ITGA9: variants seen among roughly 807,000 people sequenced by gnomAD.
The protein encoded by ITGA9 is integrin subunit alpha 9, also known as integrin alpha-9.
A neutral mutation model predicts 127.8 loss-of-function variants in ITGA9; 56 were observed. That is an observed-to-expected ratio of 0.44 (90% CI 0.35 to 0.55). The LOEUF (loss-of-function observed/expected upper bound fraction) is 0.55, where lower values mean the gene tolerates loss of function less well. Among genes scored for constraint, ITGA9 ranks in the 20% least tolerant of loss-of-function variants. The probability of loss-of-function intolerance (pLI) is 0.00; values close to 1 mark genes in which losing one functional copy is unlikely to be tolerated. For synonymous variants in ITGA9, 508 were observed against 514.5 expected (o/e 0.99, Z 0.17); for missense variants, 1,196 against 1,347.1 (o/e 0.89, Z 1.76).
At chr3:37,574,361 A>G (rs1261959780) in intron 15 of ITGA9, among the ~76,000 whole-genome samples, 1 of 152,218 alleles carries the variant, frequency 6.6e-6, no homozygotes, top group African/African-American at 2.4e-5. Context: ...TTAAGTAGAG[A>G]GTAAAATCCT....
At chr3:37,718,574 C>T (rs1392618490) in intron 18 of ITGA9, among the ~76,000 whole-genome samples, 1 of 152,214 alleles carries the variant, frequency 6.6e-6, no homozygotes, top group East Asian at 1.9e-4. Flanking sequence ...TAGTGTAGAA[C>T]ACTTGCCTCA....
At chr3:37,499,689 T>C (rs1275725495) in intron 5 of ITGA9, among the ~76,000 whole-genome samples, 1 of 152,138 alleles carries the variant, frequency 6.6e-6, no homozygotes, top group Non-Finnish European at 1.5e-5. Context: ...GCCTCAGCCC[T>C]GAGGGTCGCA....
chr3:37,780,235 A>G (rs951317821), intron 25 of ITGA9, among the ~76,000 whole-genome samples: 8 of 152,168 alleles, frequency 5.3e-5, no homozygotes, highest in African/African-American at 1.9e-4. Flanking sequence ...AATATATTGT[A>G]TCGTGATGAA....
chr3:37,816,181 C>T (rs556507484), intron 27 of ITGA9, among the ~76,000 whole-genome samples: 47 of 152,220 alleles, frequency 3.1e-4, no homozygotes, highest in African/African-American at 1.1e-3. Context: ...TGCAATTTAT[C>T]GCTGGTACCA....
At chr3:37,726,693 A>C (rs534743942) in intron 18 of ITGA9, among the ~76,000 whole-genome samples, 1 of 152,332 alleles carries the variant, frequency 6.6e-6, no homozygotes, top group African/African-American at 2.4e-5. Context: ...CCAGCAAATG[A>C]GCTGCTTCTT....
rs1482715135 is a variant in ITGA9 at position 37,673,116 on chromosome 3, A to G, written c.1917-10749A>G. On this transcript the variant is annotated intron_variant, in intron 17 of 27. Transcript: ENST00000264741. ...ATAGGCAGTCACTAACTAAAATGGG[A>G]CAGCAAGACAGAAACAGTTTCCTAT... Among the ~76,000 whole-genome samples the G allele has an allele frequency of 3.3e-5, 5 of 152,198 alleles. 1 individual carries two copies. The highest frequency in any genetic ancestry group is 1.3e-4 in the Admixed American group (2 of 15,286).
At chr3:37,604,302 A>G (rs1424203589) in intron 15 of ITGA9, among the ~76,000 whole-genome samples, 1 of 152,226 alleles carries the variant, frequency 6.6e-6, no homozygotes, top group Non-Finnish European at 1.5e-5. Context: ...CGAATCTCCC[A>G]TTTAGTCAGA....
intron 15 of ITGA9, among the ~76,000 whole-genome samples, chr3:37,559,631 C>T (rs1378422237): frequency 6.6e-6 from 1 of 152,190 alleles, no homozygotes; most frequent in African/African-American, 2.4e-5. Context: ...CACTCTGTTG[C>T]ACGTGCCTGT....
chr3:37,550,686 A>G (rs1371030053), intron 15 of ITGA9, among the ~76,000 whole-genome samples: 2 of 152,210 alleles, frequency 1.3e-5, no homozygotes, highest in Non-Finnish European at 2.9e-5. Context: ...ATGAGTGTTG[A>G]GTATTTATTA....
chr3:37,788,636 A>G (rs1474458841), intron 26 of ITGA9, among the ~76,000 whole-genome samples: 1 of 152,136 alleles, frequency 6.6e-6, no homozygotes, highest in Admixed American at 6.5e-5. Context: ...ATTTCCTAAT[A>G]TTGGTACATG....
intron 5 of ITGA9, among the ~76,000 whole-genome samples, chr3:37,495,496 C>CA (rs993694960): frequency 4.3e-4 from 65 of 151,848 alleles, no homozygotes; most frequent in South Asian, 1.0e-3. Flanking sequence ...TTGCTCAGGC[C>CA]AAAAAAAGAG....
chr3:37,495,191 G>T (rs1023018323), intron 5 of ITGA9, among the ~76,000 whole-genome samples: 1 of 152,116 alleles, frequency 6.6e-6, no homozygotes, highest in South Asian at 2.1e-4. Context: ...GACCTCAGGT[G>T]ATCTGCCAGT....
chr3:37,496,951 A>G (rs576940215), intron 5 of ITGA9, among the ~76,000 whole-genome samples: 2 of 152,344 alleles, frequency 1.3e-5, no homozygotes, highest in South Asian at 4.1e-4. Flanking sequence ...AGACATGTTT[A>G]CCAGTTGACA....
At chr3:37,498,055 G>C (rs553839955) in intron 5 of ITGA9, among the ~76,000 whole-genome samples, 3 of 152,214 alleles carry the variant, frequency 2.0e-5, no homozygotes, top group Non-Finnish European at 4.4e-5. Context: ...AGGGAGCTGT[G>C]GGGTAGAGGA....
At chr3:37,697,843 T>C (rs1700901912) in intron 18 of ITGA9, among the ~76,000 whole-genome samples, 1 of 152,220 alleles carries the variant, frequency 6.6e-6, no homozygotes, top group Non-Finnish European at 1.5e-5. Context: ...CCTTTGGGTA[T>C]ACACCCAATA....
chr3:37,680,751 C>T (rs1355875687), intron 17 of ITGA9, among the ~76,000 whole-genome samples: 1 of 152,210 alleles, frequency 6.6e-6, no homozygotes, highest in Non-Finnish European at 1.5e-5. Flanking sequence ...TAGGTTAGCA[C>T]TCTCTCATAA....
chr3:37,764,466 T>TAAAA (rs10694316), intron 23 of ITGA9, among the ~76,000 whole-genome samples: 6,192 of 74,566 alleles, frequency 0.083, 583 homozygotes, highest in South Asian at 0.12. Flanking sequence ...AGATTCTCAG[T>TAAAA]AAAAAAAAAA....
At chr3:37,650,544 G>T (rs764630114) in intron 16 of ITGA9, among the ~76,000 whole-genome samples, 2 of 152,052 alleles carry the variant, frequency 1.3e-5, no homozygotes, top group Non-Finnish European at 2.9e-5. Flanking sequence ...CAATTCTCCT[G>T]CCTCAGCCTC....
intron 14 of ITGA9, among the ~76,000 whole-genome samples, chr3:37,537,883 A>G (rs1276230697): frequency 6.6e-6 from 1 of 152,222 alleles, no homozygotes; most frequent in Non-Finnish European, 1.5e-5. Context: ...CCCTAATAGT[A>G]TTATTCATCA....
Sources: gnomAD v4.1 joint callset for allele counts (sites outside exome capture counted in the v4.1 genomes callset) on GRCh38, gnomAD v4.1.1 for gene constraint, MANE v1.5 for transcripts, NCBI Gene and HGNC (gene_info 2026-07-23, HGNC 2026-07-21) for gene names.